Variants in GOLGA1 observed in about 807,000 individuals in gnomAD.
The protein encoded by GOLGA1 is golgin A1.
Under a neutral mutation model 119.7 loss-of-function variants are expected in GOLGA1, and 63 were observed. The ratio of observed to expected loss-of-function variants is 0.53; its 90% CI spans 0.43 to 0.65. The LOEUF (loss-of-function observed/expected upper bound fraction) is 0.65, where lower values mean the gene tolerates loss of function less well. Among genes scored for constraint, GOLGA1 ranks in the 30% least tolerant of loss-of-function variants. GOLGA1 has a pLI of 0.00. For synonymous variants in GOLGA1, 318 were observed against 333.4 expected (o/e 0.95, Z 0.50); for missense variants, 798 against 912.8 (o/e 0.87, Z 1.62).
chr9:124,941,588 A>G (rs1831026515), upstream of GOLGA1, among the ~76,000 whole-genome samples: 1 of 152,176 alleles, frequency 6.6e-6, no homozygotes, highest in African/African-American at 2.4e-5. Context: ...CTGGGACCTT[A>G]CACCTTGAGA....
At chr9:124,887,554 T>C (rs1030726272) in intron 19 of GOLGA1, 6 of 152,172 alleles carry the variant, frequency 3.9e-5, no homozygotes, top group African/African-American at 1.2e-4. Context: ...AAAGCTTCTG[T>C]ATTTTATATT....
chr9:124,905,291 G>A (rs1469092930), intron 12 of GOLGA1, among the ~76,000 whole-genome samples: 4 of 151,886 alleles, frequency 2.6e-5, no homozygotes, highest in Admixed American at 2.0e-4. Context: ...GTGAAACCCC[G>A]TCTCTACTAA....
chr9:124,890,562 G>A lies in GOLGA1; in HGVS notation c.1408-84C>T, dbSNP rs145680781. On this transcript the variant is annotated intron_variant, in intron 15 of 22. Transcript: ENST00000373555. ...CCACGCAAGAAGCCCAGCAGACAGG[G>A]CATGGCTTTGCAGAGCCAGACCAAC... The A allele has an allele frequency of 3.5e-4, 359 of 1,012,126 alleles. 2 individuals are homozygous for A. In the East Asian group the frequency reaches 7.1e-3, roughly 20 times the overall value. The allele number at this position is 1,012,126 out of a possible 1,614,324, so 62.7% of individuals were successfully genotyped here. A position where few individuals can be genotyped will look rare whatever the true frequency, so the allele number is the denominator to read the frequency against.
intron 14 of GOLGA1, among the ~76,000 whole-genome samples, 160 bp downstream of exon 14, chr9:124,899,169 C>G (rs1365969690): frequency 6.6e-6 from 1 of 152,158 alleles, no homozygotes; most frequent in African/African-American, 2.4e-5. Flanking sequence ...GTGCTCCAGC[C>G]TGGGTGACAG....
chr9:124,905,988 C>G (rs1360592867), intron 12 of GOLGA1, among the ~76,000 whole-genome samples: 2 of 151,920 alleles, frequency 1.3e-5, no homozygotes, highest in East Asian at 3.9e-4. Context: ...TGGCACGTGC[C>G]TGTAATTCCA....
At chr9:124,894,135 A>C (rs554342147) in intron 15 of GOLGA1, among the ~76,000 whole-genome samples, 1 of 152,224 alleles carries the variant, frequency 6.6e-6, no homozygotes, top group Admixed American at 6.5e-5. Context: ...TCACTACTCA[A>C]TCCTTCTTGT....
At chr9:124,947,961 G>A (rs1475941531) in exon 1 of GOLGA1, 1 of 152,170 alleles carries the variant, frequency 6.6e-6, no homozygotes, top group African/African-American at 2.4e-5. Flanking sequence ...ATATCAGGCT[G>A]ATTACAAGTC....
Position 124,931,414 on chromosome 9 carries a change from G to A in GOLGA1, c.136-8C>T, listed in dbSNP as rs376105643. The stretch of plus-strand genomic sequence containing the variant: ...GCTGCTTCCATCGGAAGCCTGTTGA[G>A]GTAGACACAAGGAAGGTCGTATTCA... On this transcript the variant is annotated splice_region_variant and splice_polypyrimidine_tract_variant and intron_variant, in intron 3 of 22. Transcript: ENST00000373555. 46 of 1,439,734 alleles carry A rather than the reference G, an allele frequency of 3.2e-5. 1 individual carries two copies. The highest frequency in any genetic ancestry group is 2.1e-4 in the African/African-American group (15 of 71,608). The allele number at this position is 1,439,734 out of a possible 1,614,324, so 89.2% of individuals were successfully genotyped here.
intron 12 of GOLGA1, among the ~76,000 whole-genome samples, chr9:124,907,794 G>A (rs1040044781): frequency 1.4e-4 from 21 of 152,186 alleles, no homozygotes; most frequent in African/African-American, 4.8e-4. Context: ...TAAAGGCTTG[G>A]AAATGCCAAT....
chr9:124,938,165 T>A (rs1830915928), intron 3 of GOLGA1, among the ~76,000 whole-genome samples: 1 of 151,100 alleles, frequency 6.6e-6, no homozygotes. Flanking sequence ...ATCGTCCCAA[T>A]ACAACAATGC....
intron 2 of GOLGA1, among the ~76,000 whole-genome samples, chr9:124,939,370 C>T (rs1830948697): frequency 6.6e-6 from 1 of 152,008 alleles, no homozygotes. Context: ...GGTGTAATAT[C>T]CTACTGTTTC....
chr9:124,922,442 TCGGGAGG>T (rs1830589839), intron 8 of GOLGA1, among the ~76,000 whole-genome samples: 1 of 150,512 alleles, frequency 6.6e-6, no homozygotes, highest in Non-Finnish European at 1.5e-5. Context: ...TCCCAGCTAC[TCGGGAGG>T]CTTAGGTGGA....
At chr9:124,947,591 C>A (rs944276995) in intron 1 of GOLGA1, 3 of 152,056 alleles carry the variant, frequency 2.0e-5, no homozygotes, top group Non-Finnish European at 4.4e-5. Flanking sequence ...GGTATGGGTA[C>A]ATAATATACA....
intron 16 of GOLGA1, among the ~76,000 whole-genome samples, chr9:124,889,742 C>T (rs1829814154): frequency 6.6e-6 from 1 of 152,146 alleles, no homozygotes; most frequent in African/African-American, 2.4e-5. Flanking sequence ...GGGCAGTCGC[C>T]TCCCACTGCC....
At chr9:124,903,495 C>A (rs1424285536) in intron 12 of GOLGA1, among the ~76,000 whole-genome samples, 3 of 151,146 alleles carry the variant, frequency 2.0e-5, no homozygotes, top group Non-Finnish European at 3.0e-5. Context: ...AAAAGCTATG[C>A]CTTTGCCTCC....
chr9:124,913,158 A>G (rs1830372786), intron 10 of GOLGA1, among the ~76,000 whole-genome samples: 1 of 152,160 alleles, frequency 6.6e-6, no homozygotes, highest in Non-Finnish European at 1.5e-5. Flanking sequence ...AGCTCTCATG[A>G]GAACTCACTC....
At chr9:124,919,019 C>A (rs754164193) in intron 10 of GOLGA1, among the ~76,000 whole-genome samples, 10 of 151,356 alleles carry the variant, frequency 6.6e-5, no homozygotes, top group Non-Finnish European at 1.0e-4. Flanking sequence ...GAGGCTGAGG[C>A]GGGTGGATTG....
At position 124,898,633 on chromosome 9, in the gene GOLGA1, C is replaced by T. The variant is rs1008837874; in HGVS notation, c.1323G>A (p.Glu441=). 1.5e-5 allele frequency: 24 copies of T among 1,602,686 alleles called. No homozygotes were observed. Among genetic ancestry groups the T allele is most frequent in the East Asian group, 2.2e-5 (1 of 44,846 alleles). The part of the protein sequence containing the change: ...TTAEQGMRQL[E]QENAALKECR... ...ATTCTTTAAGGGCTGCATTTTCTTG[C>T]TCCAGTTGTCTCTGCCAATTCAGAA... The change falls in exon 15 of 23, where the codon GAG becomes GAA. Residue 441 remains glutamate (E), a synonymous_variant. Transcript: ENST00000373555.
chr9:124,923,847 C>T (rs7031479), intron 7 of GOLGA1, among the ~76,000 whole-genome samples: 103,345 of 151,950 alleles, frequency 0.68, 36,140 homozygotes, highest in African/African-American at 0.83. Context: ...TATGTGTCTA[C>T]TCTTTCGTCG....
Sources: allele counts gnomAD v4.1 joint callset (sites outside exome capture counted in the v4.1 genomes callset), GRCh38; gene constraint gnomAD v4.1.1; transcripts MANE v1.5; gene names NCBI Gene and HGNC (gene_info 2026-07-23, HGNC 2026-07-21).